The following DSCAM variants were observed in gnomAD, a reference collection of about 807,000 sequenced individuals.
DSCAM encodes DS cell adhesion molecule, also known as cell adhesion molecule DSCAM.
A neutral mutation model predicts 217.7 loss-of-function variants in DSCAM; 47 were observed. The ratio of observed to expected loss-of-function variants is 0.22; its 90% CI spans 0.17 to 0.28. The LOEUF is 0.28. DSCAM is among the 10% of genes least tolerant of loss of function. The pLI is 1.00. For synonymous variants in DSCAM, 1,056 were observed against 1,015.3 expected, an observed-to-expected ratio of 1.04 and a Z score of -0.76; for missense variants, 2,080 against 2,618.3, an observed-to-expected ratio of 0.79 and a Z score of 4.49.
At chr21:40,194,048 C>T (rs2090982372) in intron 11 of DSCAM, among the ~76,000 whole-genome samples, 1 of 152,188 alleles carries the variant, frequency 6.6e-6, no homozygotes, top group African/African-American at 2.4e-5. Flanking sequence ...AAAATAATCA[C>T]AAGTTTTATC....
chr21:40,417,522 T>C lies in DSCAM; in HGVS notation c.509-48277A>G, dbSNP rs1182529723. On this transcript the variant is annotated intron_variant, in intron 3 of 32. Coordinates refer to ENST00000400454, the MANE Select transcript of DSCAM (RefSeq NM_001389.5). ...ATGAACACAAGTTAATTGTTGTGTC[T>C]AATGTGTAATATTGCATTTGATATT... 2.3e-4 allele frequency among the ~76,000 whole-genome samples: 35 copies of C among 151,652 alleles called. 1 individual carries two copies. The highest frequency in any genetic ancestry group is 1.9e-3 in the Admixed American group (29 of 15,174).
At chr21:40,334,206 G>A (rs921593041) in intron 8 of DSCAM, among the ~76,000 whole-genome samples, 1 of 152,058 alleles carries the variant, frequency 6.6e-6, no homozygotes, top group East Asian at 1.9e-4. Context: ...CACCAGATCT[G>A]CAGCCTGGAT....
chr21:40,670,218 G>C (rs1266643564), intron 3 of DSCAM, among the ~76,000 whole-genome samples: 1 of 152,114 alleles, frequency 6.6e-6, no homozygotes, highest in African/African-American at 2.4e-5. Flanking sequence ...ATTTTTAGAG[G>C]ACAGTTCAGT....
chr21:40,322,949 T>C (rs903653135), intron 8 of DSCAM, among the ~76,000 whole-genome samples: 6 of 152,210 alleles, frequency 3.9e-5, no homozygotes, highest in Admixed American at 2.0e-4. Flanking sequence ...AGAAAGGACA[T>C]GTTACCACCA....
At position 40,592,901 on chromosome 21, in the gene DSCAM, C is replaced by T. The variant is rs1452123787; in HGVS notation, c.508+99909G>A. On this transcript the variant is annotated intron_variant, in intron 3 of 32. Coordinates refer to ENST00000400454, the MANE Select transcript of DSCAM (RefSeq NM_001389.5). ...AAGAGTTCAGAAGAACTCACAAGCA[C>T]GCACATATTTGTTGAGCTAATGAAT... Among the ~76,000 whole-genome samples the T allele has an allele frequency of 3.9e-5, 6 of 152,142 alleles. No individual in the cohort carries two copies. In the East Asian group the frequency reaches 5.8e-4, roughly 15 times the overall value.
chr21:40,216,515 T>C (rs2146893913), intron 11 of DSCAM, among the ~76,000 whole-genome samples: 1 of 152,312 alleles, frequency 6.6e-6, no homozygotes, highest in South Asian at 2.1e-4. Flanking sequence ...AGAATCTTGA[T>C]AGAAATCATA....
intron 11 of DSCAM, among the ~76,000 whole-genome samples, chr21:40,204,429 A>G (rs2091102398): frequency 6.6e-6 from 1 of 152,242 alleles, no homozygotes; most frequent in Non-Finnish European, 1.5e-5. Context: ...GAAAGCCAAG[A>G]TGATGCATTT....
chr21:40,626,445 A>G (rs2089602307), intron 3 of DSCAM, among the ~76,000 whole-genome samples: 1 of 152,096 alleles, frequency 6.6e-6, no homozygotes, highest in South Asian at 2.1e-4. Context: ...GATCTTCTTC[A>G]CCCACCCACT....
chr21:40,290,050 A>T (rs1458921330), intron 10 of DSCAM, among the ~76,000 whole-genome samples: 2 of 152,150 alleles, frequency 1.3e-5, no homozygotes, highest in Admixed American at 1.3e-4. Flanking sequence ...AAAGACATGG[A>T]GAACAGAAAT....
At position 40,353,546 on chromosome 21, in the gene DSCAM, G is replaced by T. The variant is rs765768201; in HGVS notation, c.853C>A (p.Pro285Thr). Residue 285 changes from proline to threonine, a missense_variant, in exon 5 of 33, where the codon CCC becomes ACC. Physicochemically the swap from Pro to Thr is conservative, Grantham distance 38. Around this residue, in one of 5 missense-constraint regions of DSCAM, gnomAD observed 568 missense variants for 678.1 expected, o/e 0.84. Transcript: ENST00000400454. Reference protein sequence around the residue: ...VTGLLIENIRPSDSGSYVCEV... With the variant: ...VTGLLIENIRTSDSGSYVCEV... Reference sequence around the variant, plus strand: ...CAAACATAGCTGCCTGAGTCCGAGGGGCGAATGTTCTCAATGAGCAGCCCC... The same window carrying T: ...CAAACATAGCTGCCTGAGTCCGAGGTGCGAATGTTCTCAATGAGCAGCCCC... The T allele has an allele frequency of 7.4e-6, 12 of 1,612,034 alleles. No individual in the cohort carries two copies. Among genetic ancestry groups the T allele is most frequent in the Middle Eastern group, 1.6e-4 (1 of 6,080 alleles).
chr21:40,569,334 T>G (rs2076788482), intron 3 of DSCAM, among the ~76,000 whole-genome samples: 1 of 152,218 alleles, frequency 6.6e-6, no homozygotes, highest in African/African-American at 2.4e-5. Flanking sequence ...ATCTAGGTGT[T>G]GCTATGAAGG....
chr21:40,733,857 C>T (rs2091036944), intron 1 of DSCAM, among the ~76,000 whole-genome samples: 1 of 152,114 alleles, frequency 6.6e-6, no homozygotes, highest in Admixed American at 6.5e-5. Context: ...ATTAGCAAGG[C>T]CATTGCTGCC....
At chr21:40,766,272 TC>T (rs982940077) in intron 1 of DSCAM, among the ~76,000 whole-genome samples, 94 of 152,224 alleles carry the variant, frequency 6.2e-4, no homozygotes, top group African/African-American at 2.2e-3. Flanking sequence ...CTCCCCATTT[TC>T]CCCATACATA....
At chr21:40,466,775 C>G (rs572236012) in intron 3 of DSCAM, among the ~76,000 whole-genome samples, 1 of 152,204 alleles carries the variant, frequency 6.6e-6, no homozygotes, top group East Asian at 1.9e-4. Context: ...ATGGGACCAC[C>G]TCAAAGGGCT....
At chr21:40,113,426 A>G (rs1357461034) in intron 20 of DSCAM, among the ~76,000 whole-genome samples, 31 of 151,818 alleles carry the variant, frequency 2.0e-4, no homozygotes, top group Admixed American at 6.6e-4. Flanking sequence ...AATAATAAGA[A>G]CTATCTATGA....
chr21:40,259,005 A>G (rs2073411378), intron 11 of DSCAM, among the ~76,000 whole-genome samples: 1 of 152,208 alleles, frequency 6.6e-6, no homozygotes, highest in Non-Finnish European at 1.5e-5. Flanking sequence ...TGCTGAGGAG[A>G]TTAAATTTAT....
chr21:40,590,648 A>G (rs456091), intron 3 of DSCAM, among the ~76,000 whole-genome samples: 102,913 of 152,128 alleles, frequency 0.68, 35,102 homozygotes, highest in African/African-American at 0.74. Flanking sequence ...ACTTTAAAAA[A>G]TAAATCTCAA....
At chr21:40,147,142 C>T (rs192479207) in intron 16 of DSCAM, among the ~76,000 whole-genome samples, 5 of 152,288 alleles carry the variant, frequency 3.3e-5, no homozygotes, top group East Asian at 1.9e-4. Flanking sequence ...TTAAGCCTCC[C>T]TAAGACAGCA....
At chr21:40,376,357 C>A (rs2074950320) in intron 3 of DSCAM, among the ~76,000 whole-genome samples, 1 of 150,436 alleles carries the variant, frequency 6.6e-6, no homozygotes, top group African/African-American at 2.4e-5. Context: ...ACATGATCCT[C>A]TTAGCATTAA....
Sources: gnomAD v4.1 joint callset for allele counts (sites outside exome capture counted in the v4.1 genomes callset) on GRCh38, gnomAD v4.1.1 for gene constraint, gnomAD v4.1.1 regional missense constraint, MANE v1.5 for transcripts, NCBI Gene and HGNC (gene_info 2026-07-23, HGNC 2026-07-21) for gene names.